The following EQTN variants were observed in gnomAD, a reference collection of about 807,000 sequenced individuals.
EQTN encodes equatorin, also known as Acrosome formation associated factor.
EQTN carries 29 observed loss-of-function variants against 26.9 expected under a neutral mutation model. That is an observed-to-expected ratio of 1.08 (90% CI 0.80 to 1.47). The LOEUF (loss-of-function observed/expected upper bound fraction) is 1.47, where lower values mean the gene tolerates loss of function less well. Among genes scored for constraint, EQTN ranks in the 40% most tolerant of loss-of-function variants. EQTN has a pLI of 0.00. For synonymous variants in EQTN, 129 were observed against 120.0 expected (o/e 1.07, Z -0.49); for missense variants, 391 against 346.1 (o/e 1.13, Z -1.03).
intron 2 of EQTN, among the ~76,000 whole-genome samples, chr9:27,295,928 A>G (rs1056857166): frequency 6.6e-6 from 1 of 152,158 alleles, no homozygotes; most frequent in African/African-American, 2.4e-5. Context: ...GGCAAGACAC[A>G]AAATGCAGAG....
chr9:27,288,938 C>T (rs150448772), intron 6 of EQTN, among the ~76,000 whole-genome samples: 96 of 152,110 alleles, frequency 6.3e-4, no homozygotes, highest in African/African-American at 2.0e-3. Flanking sequence ...ATGGTAGACA[C>T]GTGATATTAT....
At chr9:27,285,927 T>C (rs1353948306) in intron 7 of EQTN, among the ~76,000 whole-genome samples, 2 of 152,206 alleles carry the variant, frequency 1.3e-5, no homozygotes, top group African/African-American at 2.4e-5. Context: ...AAAATATATT[T>C]GCTCCAGGGC....
rs745915839 is a variant in EQTN, at chr9:27,294,318, T to C, written c.287A>G (p.Asn96Ser). 20 of 1,607,100 alleles carry C rather than the reference T, an allele frequency of 1.2e-5. No individual in the cohort carries two copies. In the East Asian group the frequency reaches 3.8e-4, roughly 30 times the overall value. The change falls in exon 3 of 8, where the codon AAC (asparagine) becomes AGC (serine). Residue 96 changes from asparagine to serine, a missense_variant and splice_region_variant. Coordinates refer to ENST00000380032, the MANE Select transcript of EQTN (RefSeq NM_020641.3). ...CAATGGTGCCTTTCACTTCTTACCG[T>C]TTTTTAGAGCAAAATTCAGGTCAGT... The part of the protein sequence containing the change: ...ATTDLNFALK[N>S]DKTVNATTYE...
chr9:27,286,449 C>G (rs1473880169), intron 6 of EQTN, 87 bp from the exon 7 acceptor site: 1 of 1,313,456 alleles, frequency 7.6e-7, no homozygotes, highest in East Asian at 2.5e-5. Context: ...TACAGAGAAG[C>G]AAGCCCTCCA....
chr9:27,295,385 C>T (rs369848686), intron 2 of EQTN, among the ~76,000 whole-genome samples: 2 of 152,114 alleles, frequency 1.3e-5, no homozygotes, highest in East Asian at 3.8e-4. Context: ...TAACAATTGG[C>T]CTAATTTCAT....
intron 7 of EQTN, 27 bp from the exon 8 acceptor site, chr9:27,284,999 G>C: frequency 1.3e-6 from 2 of 1,588,220 alleles, no homozygotes; most frequent in South Asian, 2.3e-5. Flanking sequence ...CATATATCAA[G>C]AATTGTTTTT....
At chr9:27,292,324 C>T in intron 4 of EQTN, 77 bp downstream of exon 4, 3 of 892,988 alleles carry the variant, frequency 3.4e-6, no homozygotes, top group South Asian at 1.7e-5. Flanking sequence ...ATGTAATGCT[C>T]AGAGTAGTGA....
chr9:27,288,619 T>C (rs1356479978), intron 6 of EQTN, among the ~76,000 whole-genome samples: 1 of 152,180 alleles, frequency 6.6e-6, no homozygotes, highest in Admixed American at 6.5e-5. Context: ...GCAACCAAGA[T>C]GTCATTCAGT....
rs544524385 is a variant in EQTN, at chr9:27,295,666, A to G, written c.202+947T>C. 2.0e-5 allele frequency among the ~76,000 whole-genome samples: 3 copies of G among 152,072 alleles called. No individual in the cohort carries two copies. The East Asian group carries it at 5.8e-4, about 30-fold the overall frequency. On this transcript the variant is annotated intron_variant, in intron 2 of 7. Transcript: ENST00000380032. ...GGCTAACACTGTGAAACCCGTCTCT[A>G]CTAAAAATACAAAAAATTAGCCGGG...
Position 27,294,328 on chromosome 9 carries a change from C to A in EQTN, c.277G>T (p.Ala93Ser). Residue 93 changes from alanine to serine, a missense_variant, in exon 3 of 8, where the codon GCT becomes TCT. Coordinates refer to ENST00000380032, the MANE Select transcript of EQTN (RefSeq NM_020641.3). ...SVRATTDLNFALKNDKTVNAT... is the reference protein window; with the variant it reads ...SVRATTDLNFSLKNDKTVNAT... ...TTTCACTTCTTACCGTTTTTTAGAG[C>A]AAAATTCAGGTCAGTTGTGGCTCTC... 1 of 1,608,026 alleles carries A rather than the reference C, an allele frequency of 6.2e-7. No homozygotes were observed. Among genetic ancestry groups the A allele is most frequent in the East Asian group, 2.2e-5 (1 of 44,810 alleles).
In EQTN at chr9:27,286,352, C is replaced by T; in HGVS notation, c.492G>A (p.Val164=). 1 of 1,593,016 alleles carries T rather than the reference C, an allele frequency of 6.3e-7. No individual in the cohort carries two copies. The highest frequency in any genetic ancestry group is 8.6e-7 in the Non-Finnish European group (1 of 1,168,626). Residue 164 remains valine (V), a synonymous_variant, in exon 7 of 8, where the codon GTG becomes GTA. Coordinates refer to ENST00000380032, the MANE Select transcript of EQTN (RefSeq NM_020641.3). ...QLFHPIPESD[V]NATQGENQPD... ...GCTGATTTTCTCCCTGTGTAGCATTCACATCAGACTCTGAAAAGAAAGAGA... is the reference window on the plus strand; with the variant it reads ...GCTGATTTTCTCCCTGTGTAGCATTTACATCAGACTCTGAAAAGAAAGAGA...
chr9:27,285,997 C>G (rs1233090942), intron 7 of EQTN, among the ~76,000 whole-genome samples: 1 of 152,222 alleles, frequency 6.6e-6, no homozygotes, highest in East Asian at 1.9e-4. Flanking sequence ...AAGGTTATTT[C>G]TATCTCTGGA....
chr9:27,293,827 T>C (rs1417619369), intron 3 of EQTN, among the ~76,000 whole-genome samples: 2 of 152,242 alleles, frequency 1.3e-5, no homozygotes, highest in Non-Finnish European at 2.9e-5. Context: ...TATTCCATTA[T>C]TATCAAGTAG....
chr9:27,291,419 C>A (rs1820232143), intron 4 of EQTN, among the ~76,000 whole-genome samples: 2 of 152,160 alleles, frequency 1.3e-5, no homozygotes, highest in South Asian at 4.1e-4. Context: ...AGAGAACTAG[C>A]AATAGTTCAC....
intron 2 of EQTN, among the ~76,000 whole-genome samples, chr9:27,295,629 C>T (rs1163887757): frequency 6.6e-6 from 1 of 151,832 alleles, no homozygotes; most frequent in African/African-American, 2.4e-5. Context: ...GTCAGGAGAT[C>T]GAGACCATCC....
chr9:27,295,236 G>A (rs1196575446), intron 2 of EQTN, among the ~76,000 whole-genome samples: 1 of 152,036 alleles, frequency 6.6e-6, no homozygotes, highest in Non-Finnish European at 1.5e-5. Flanking sequence ...ATATTTCATC[G>A]TTTTTGAGCA....
At chr9:27,287,453 A>G (rs1210504489) in intron 6 of EQTN, among the ~76,000 whole-genome samples, 4 of 152,192 alleles carry the variant, frequency 2.6e-5, no homozygotes, top group Non-Finnish European at 5.9e-5. Flanking sequence ...CATCTTCTTT[A>G]TCTAGGTGAT....
intron 3 of EQTN, among the ~76,000 whole-genome samples, chr9:27,293,277 G>A (rs974980348): frequency 1.3e-4 from 20 of 152,284 alleles, no homozygotes; most frequent in African/African-American, 4.3e-4. Context: ...AGCAGAACTC[G>A]AAAAGTGAGT....
intron 5 of EQTN, 24 bp from the exon 6 acceptor site, chr9:27,289,755 G>A: frequency 6.3e-7 from 1 of 1,584,322 alleles, no homozygotes; most frequent in Non-Finnish European, 8.6e-7. Context: ...TTGGGGTTAT[G>A]GTAAACAACG....
Sources: allele counts gnomAD v4.1 joint callset (sites outside exome capture counted in the v4.1 genomes callset), GRCh38; gene constraint gnomAD v4.1.1; transcripts MANE v1.5; gene names NCBI Gene and HGNC (gene_info 2026-07-23, HGNC 2026-07-21).